The following TPTE2 variants were observed in gnomAD, a reference collection of about 807,000 sequenced individuals.
The protein encoded by TPTE2 is phosphatidylinositol 3,4,5-trisphosphate 3-phosphatase TPTE2.
A neutral mutation model predicts 78.6 loss-of-function variants in TPTE2; 53 were observed. The observed-to-expected ratio is 0.67, with a 90% CI of 0.54 to 0.85. The LOEUF (loss-of-function observed/expected upper bound fraction) is 0.85, where lower values mean the gene tolerates loss of function less well. TPTE2 is among the 40% of genes least tolerant of loss of function. TPTE2 has a pLI of 0.00. For synonymous variants in TPTE2, 175 were observed against 206.2 expected, an observed-to-expected ratio of 0.85 and a Z score of 1.30; for missense variants, 461 against 623.0, an observed-to-expected ratio of 0.74 and a Z score of 2.77.
intron 10 of TPTE2, among the ~76,000 whole-genome samples, chr13:19,460,919 T>G (rs1878848840): frequency 6.6e-6 from 1 of 152,198 alleles, no homozygotes; most frequent in Admixed American, 6.5e-5. Context: ...GATCTCAACC[T>G]AAGAATACAC....
upstream of TPTE2, among the ~76,000 whole-genome samples, chr13:19,540,312 T>TATTA (rs1291455389): frequency 6.7e-6 from 1 of 150,056 alleles, no homozygotes; most frequent in Non-Finnish European, 1.5e-5. Flanking sequence ...ATTATTATGG[T>TATTA]TTTTTTTAAG....
intron 1 of TPTE2, among the ~76,000 whole-genome samples, chr13:19,525,161 G>A (rs992279661): frequency 1.3e-5 from 2 of 152,148 alleles, no homozygotes; most frequent in African/African-American, 4.8e-5. Context: ...AGTAAGAATT[G>A]AGAGGAGAGA....
chr13:19,460,665 C>A (rs1878829574), intron 10 of TPTE2, among the ~76,000 whole-genome samples: 1 of 152,170 alleles, frequency 6.6e-6, no homozygotes, highest in African/African-American at 2.4e-5. Context: ...AGTAGCTGAA[C>A]TTGCAGGCCT....
chr13:19,514,625 G>GTGTGTGTGTGTGTGTC (rs1185785729), intron 1 of TPTE2, among the ~76,000 whole-genome samples: 1 of 149,912 alleles, frequency 6.7e-6, no homozygotes, highest in Admixed American at 6.7e-5. Flanking sequence ...GTGTGTGTGT[G>GTGTGTGTGTGTGTGTC]TGTGTCTGTG....
At chr13:19,491,147 T>C (rs556328752) in intron 3 of TPTE2, among the ~76,000 whole-genome samples, 1 of 152,352 alleles carries the variant, frequency 6.6e-6, no homozygotes, top group Admixed American at 6.5e-5. Context: ...TTTCTACATG[T>C]ATACTTTTGT....
chr13:19,537,384 C>A (rs979932809), upstream of TPTE2, among the ~76,000 whole-genome samples: 10 of 151,820 alleles, frequency 6.6e-5, no homozygotes. Context: ...CAGGCACCTG[C>A]CACCATGCCC....
chr13:19,546,621 C>T, the TPTE2 span, among the ~76,000 whole-genome samples: 7 of 150,812 alleles, frequency 4.6e-5, no homozygotes, highest in Non-Finnish European at 1.0e-4. Flanking sequence ...TCCCAGCTAG[C>T]TGGGATTACA....
chr13:19,503,932 G>A (rs1197318491), upstream of TPTE2, among the ~76,000 whole-genome samples: 1 of 151,246 alleles, frequency 6.6e-6, no homozygotes, highest in Non-Finnish European at 1.5e-5. Flanking sequence ...AGTAGAGATG[G>A]GGTTTCACCG....
At chr13:19,475,754 T>A (rs1412461044) in intron 4 of TPTE2, 131 bp from the exon 8 acceptor site, 5 of 738,402 alleles carry the variant, frequency 6.8e-6, no homozygotes, top group Non-Finnish European at 1.1e-5. Flanking sequence ...AAATGCTTTT[T>A]ACTAATAGCT....
At chr13:19,454,030 A>G (rs1462616666) in intron 10 of TPTE2, among the ~76,000 whole-genome samples, 1 of 152,138 alleles carries the variant, frequency 6.6e-6, no homozygotes, top group East Asian at 1.9e-4. Context: ...TTTGGAGGCA[A>G]AAGTATACCT....
intron 4 of TPTE2, among the ~76,000 whole-genome samples, chr13:19,478,987 C>T (rs1172245222): frequency 2.6e-5 from 4 of 151,754 alleles, no homozygotes; most frequent in Non-Finnish European, 4.4e-5. Flanking sequence ...GGAAGGGGAA[C>T]ATCACACACC....
At chr13:19,513,147 T>C (rs1765198798) in intron 1 of TPTE2, among the ~76,000 whole-genome samples, 1 of 152,218 alleles carries the variant, frequency 6.6e-6, no homozygotes. Flanking sequence ...GCATCGGTTA[T>C]AAAAGTACCA....
intron 10 of TPTE2, among the ~76,000 whole-genome samples, chr13:19,452,050 A>C (rs1180916469): frequency 1.3e-5 from 2 of 152,130 alleles, no homozygotes; most frequent in Non-Finnish European, 2.9e-5. Context: ...TTACAGGCTT[A>C]ATATTGAGAA....
At chr13:19,437,661 C>T (rs1341082256) in intron 14 of TPTE2, among the ~76,000 whole-genome samples, 1 of 152,126 alleles carries the variant, frequency 6.6e-6, no homozygotes, top group Non-Finnish European at 1.5e-5. Flanking sequence ...GTGAGGGAAG[C>T]ATGTTGATTA....
chr13:19,476,732 G>A (rs1256804867), intron 4 of TPTE2, among the ~76,000 whole-genome samples: 1 of 152,176 alleles, frequency 6.6e-6, no homozygotes, highest in Non-Finnish European at 1.5e-5. Flanking sequence ...AGGCAAGGTT[G>A]CAGAGAAAAG....
intron 4 of TPTE2, among the ~76,000 whole-genome samples, chr13:19,479,489 A>T (rs1190479003): frequency 1.3e-5 from 2 of 152,190 alleles, no homozygotes; most frequent in Non-Finnish European, 2.9e-5. Context: ...AGACAAATTT[A>T]CAAAGAAAAT....
intron 1 of TPTE2, among the ~76,000 whole-genome samples, chr13:19,531,946 G>C (rs1250209378): frequency 6.6e-6 from 1 of 152,078 alleles, no homozygotes; most frequent in Non-Finnish European, 1.5e-5. Flanking sequence ...AAAAAAAGTA[G>C]AGGATGGGGC....
At chr13:19,451,969 A>G (rs140618504) in intron 10 of TPTE2, among the ~76,000 whole-genome samples, 3,052 of 152,192 alleles carry the variant, frequency 0.02, 104 homozygotes, top group African/African-American at 0.069. Flanking sequence ...ACATACGTAT[A>G]TATCTCTGTG....
At chr13:19,546,749 A>AGCCCAAC in the TPTE2 span, among the ~76,000 whole-genome samples, 1 of 151,902 alleles carries the variant, frequency 6.6e-6, no homozygotes, top group African/African-American at 2.4e-5. Flanking sequence ...CTCAGCCTCC[A>AGCCCAAC]AAAGTGCTGG....
Sources: allele counts gnomAD v4.1 joint callset (sites outside exome capture counted in the v4.1 genomes callset), GRCh38; gene constraint gnomAD v4.1.1; transcripts MANE v1.5; gene names NCBI Gene and HGNC (gene_info 2026-07-23, HGNC 2026-07-21).